G3BP1: variants seen among roughly 807,000 people sequenced by gnomAD.
G3BP1 encodes the protein G3BP stress granule assembly factor 1, also known as ras GTPase-activating protein-binding protein 1.
In G3BP1, 35 loss-of-function variants were observed where a neutral mutation model predicts 58.6. The observed-to-expected ratio is 0.60, with a 90% CI of 0.46 to 0.79. The LOEUF is 0.79. Ranked by LOEUF, G3BP1 falls within the 30% of genes least tolerant of loss-of-function variation. The probability of loss-of-function intolerance (pLI) is 0.00; values close to 1 mark genes in which losing one functional copy is unlikely to be tolerated. For missense variants in G3BP1, 523 were observed against 580.8 expected, an observed-to-expected ratio of 0.90 and a Z score of 1.02; for synonymous variants, 191 against 195.4, an observed-to-expected ratio of 0.98 and a Z score of 0.19.
chr5:151,786,552 C>T lies in G3BP1; in HGVS notation c.-49-20C>T, dbSNP rs1762557776. On this transcript the variant is annotated intron_variant, in intron 1 of 11. Coordinates refer to ENST00000356245, the MANE Select transcript of G3BP1 (RefSeq NM_005754.3). Reference sequence around the variant, plus strand: ...TTCAGCTAAATGATTCGGTCTTTTCCCCTGTGTTTGATCCTTCAGGTTTGG... The same window carrying T: ...TTCAGCTAAATGATTCGGTCTTTTCTCCTGTGTTTGATCCTTCAGGTTTGG... 4 of 957,142 alleles carry T rather than the reference C, an allele frequency of 4.2e-6. No individual in the cohort carries two copies. The South Asian group carries it at 5.3e-5, about 13-fold the overall frequency. 59.3% of individuals were successfully genotyped at this position (957,142 alleles called of 1,614,324 possible).
rs554309539 is a variant in G3BP1 at position 151,799,332 on chromosome 5, T to C, written c.843+19T>C. On this transcript the variant is annotated intron_variant, in intron 8 of 11. Coordinates refer to ENST00000356245, the MANE Select transcript of G3BP1 (RefSeq NM_005754.3). ...TTCACAGGTAAGGTCCTAATAAAAC[T>C]TGTACATTAGGCAAATTTACTTCTA... is the stretch of plus-strand genomic sequence containing the variant. 9.8e-6 allele frequency: 12 copies of C among 1,225,146 alleles called. No homozygotes were observed. Among genetic ancestry groups the C allele is most frequent in the Non-Finnish European group, 1.5e-5 (12 of 825,226 alleles). The allele number at this position is 1,225,146 out of a possible 1,614,324, so 75.9% of individuals were successfully genotyped here.
chr5:151,780,843 A>T (rs1762458764), intron 1 of G3BP1, among the ~76,000 whole-genome samples: 1 of 151,934 alleles, frequency 6.6e-6, no homozygotes, highest in Non-Finnish European at 1.5e-5. Context: ...GACCCTTAAC[A>T]TTTTTCTGTT....
chr5:151,790,088 A>C (rs991448346), intron 2 of G3BP1, among the ~76,000 whole-genome samples: 1 of 142,964 alleles, frequency 7.0e-6, no homozygotes, highest in Non-Finnish European at 1.5e-5. Context: ...GTGCCATTGC[A>C]CTCCAGCCTG....
chr5:151,798,999 C>T (rs1408783630), intron 7 of G3BP1, among the ~76,000 whole-genome samples: 3 of 151,970 alleles, frequency 2.0e-5, no homozygotes, highest in Non-Finnish European at 4.4e-5. Context: ...CTAAGCCTCT[C>T]GGATTTGCTT....
chr5:151,782,960 C>T (rs532434509), intron 1 of G3BP1, among the ~76,000 whole-genome samples: 5 of 147,666 alleles, frequency 3.4e-5, no homozygotes, highest in South Asian at 2.1e-4. Context: ...TAGGTTCAAG[C>T]GATTCTCCTG....
At chr5:151,782,397 T>G (rs537119500) in intron 1 of G3BP1, among the ~76,000 whole-genome samples, 2 of 152,352 alleles carry the variant, frequency 1.3e-5, no homozygotes, top group African/African-American at 4.8e-5. Context: ...ATTTTACTCA[T>G]GTTAAAGGTA....
intron 1 of G3BP1, among the ~76,000 whole-genome samples, chr5:151,781,128 A>G (rs544659385): frequency 6.6e-6 from 1 of 152,216 alleles, no homozygotes; most frequent in Non-Finnish European, 1.5e-5. Flanking sequence ...GAATGCATAA[A>G]ATATATGTGG....
chr5:151,802,864 C>T (rs1191293099), intron 11 of G3BP1, among the ~76,000 whole-genome samples: 4 of 152,074 alleles, frequency 2.6e-5, no homozygotes, highest in African/African-American at 4.8e-5. Context: ...ATCTGGGAGG[C>T]GGAGCTTGCA....
Position 151,803,999 on chromosome 5 carries a change from G to T in G3BP1, c.1309G>T (p.Gly437Trp). The change falls in exon 12 of 12, where the codon GGG becomes TGG. Residue 437 changes from glycine (G) to tryptophan (W), a missense_variant. By Grantham distance (184) the Gly-to-Trp change is radical (BLOSUM62 -2). Around this residue, in one of 2 missense-constraint regions of G3BP1, gnomAD observed 125 missense variants for 181.7 expected, o/e 0.69. Coordinates refer to ENST00000356245, the MANE Select transcript of G3BP1 (RefSeq NM_005754.3). ...RLRGPGGPRGGLGGGMRGPPR... is the reference protein window; with the variant it reads ...RLRGPGGPRGWLGGGMRGPPR... ...TCGGGGACCTGGAGGCCCTCGAGGT[G>T]GGCTGGGTGGTGGAATGAGAGGCCC... 1.2e-6 allele frequency: 2 copies of T among 1,613,664 alleles called. No homozygotes were observed. The highest frequency in any genetic ancestry group is 1.7e-6 in the Non-Finnish European group (2 of 1,179,744).
At chr5:151,789,443 G>T (rs1231045873) in intron 2 of G3BP1, among the ~76,000 whole-genome samples, 2 of 152,146 alleles carry the variant, frequency 1.3e-5, no homozygotes, top group Non-Finnish European at 2.9e-5. Flanking sequence ...AGAGCATTTT[G>T]GTGTGTTGCT....
rs185362943 is a variant in G3BP1, at chr5:151,804,167, C to T, written c.*76C>T. 8.4e-5 allele frequency: 90 copies of T among 1,065,884 alleles called. No homozygotes were observed. In the East Asian group the frequency reaches 1.1e-3, roughly 13 times the overall value. 66.0% of individuals were successfully genotyped at this position (1,065,884 alleles called of 1,614,324 possible). A position where few individuals can be genotyped will look rare whatever the true frequency, so the allele number is the denominator to read the frequency against. ...GTGAATTTTCGACAGCCTTTGGTAT[C>T]TTGGAGTATGACCCCAGTCTGTTAT... On this transcript the variant is annotated 3_prime_UTR_variant, in exon 12 of 12. Coordinates refer to ENST00000356245, the MANE Select transcript of G3BP1 (RefSeq NM_005754.3).
At chr5:151,792,043 A>G (rs1352403590) in intron 4 of G3BP1, 2 of 452,138 alleles carry the variant, frequency 4.4e-6, no homozygotes, top group Admixed American at 4.8e-5. Flanking sequence ...AATATTTTCC[A>G]GGTTCATCTT....
intron 4 of G3BP1, among the ~76,000 whole-genome samples, chr5:151,793,747 C>G (rs1353261357): frequency 6.9e-6 from 1 of 145,332 alleles, no homozygotes; most frequent in African/African-American, 2.6e-5. Flanking sequence ...TAATTCAGAA[C>G]TTTGGGATGC....
At position 151,810,642 on chromosome 5, in the gene G3BP1, T is replaced by C. The variant is rs1361045156; in HGVS notation, c.*6551T>C. ...CTCCTAGAAGATAAGGACTAGGGAG[T>C]TCATCTCTGTATTCCACCAGAAGGT... On this transcript the variant is annotated 3_prime_UTR_variant, in exon 12 of 12. Transcript: ENST00000356245. 3 of 152,092 alleles carry C rather than the reference T, an allele frequency of 2.0e-5. No homozygotes were observed. In the East Asian group the frequency reaches 5.8e-4, roughly 29 times the overall value. 9.4% of individuals were successfully genotyped at this position (152,092 alleles called of 1,614,324 possible).
chr5:151,774,517 AT>A lies in G3BP1; in HGVS notation c.-50+2489del, dbSNP rs918570660. On this transcript the variant is annotated intron_variant, in intron 1 of 11. Coordinates refer to ENST00000356245, the MANE Select transcript of G3BP1 (RefSeq NM_005754.3). ...CATTTGTGACTAAAGCCAATTTTAT[AT>A]TTTTTTTCTTTATTTTTGTCAGTCT... is the stretch of plus-strand genomic sequence containing the variant. Among the ~76,000 whole-genome samples, 28 of 150,444 alleles carry A rather than the reference AT, an allele frequency of 1.9e-4. No individual in the cohort carries two copies. In the South Asian group the frequency reaches 2.5e-3, roughly 13 times the overall value.
At chr5:151,781,605 A>G (rs1762473059) in intron 1 of G3BP1, among the ~76,000 whole-genome samples, 1 of 152,250 alleles carries the variant, frequency 6.6e-6, no homozygotes, top group Admixed American at 6.5e-5. Flanking sequence ...AAGTTATGAC[A>G]TTACAAGGAA....
chr5:151,794,349 T>C, intron 5 of G3BP1, 100 bp downstream of exon 5: 1 of 687,518 alleles, frequency 1.5e-6, no homozygotes, highest in Non-Finnish European at 2.6e-6. Flanking sequence ...TTCATTACAC[T>C]CTGTTCTTCA....
intron 1 of G3BP1, among the ~76,000 whole-genome samples, chr5:151,784,318 T>G (rs897895562): frequency 6.6e-6 from 1 of 152,180 alleles, no homozygotes; most frequent in Non-Finnish European, 1.5e-5. Flanking sequence ...TTGCCCAGAC[T>G]AATCTCAAAC....
At chr5:151,780,566 G>C (rs916520331) in intron 1 of G3BP1, among the ~76,000 whole-genome samples, 1 of 152,076 alleles carries the variant, frequency 6.6e-6, no homozygotes, top group Non-Finnish European at 1.5e-5. Flanking sequence ...GCTGGAGTGC[G>C]GTGGTGCGAT....
Sources: allele counts gnomAD v4.1 joint callset (sites outside exome capture counted in the v4.1 genomes callset), GRCh38; gene constraint gnomAD v4.1.1; regional missense constraint gnomAD v4.1.1; transcripts MANE v1.5; gene names NCBI Gene and HGNC (gene_info 2026-07-23, HGNC 2026-07-21).